The following EYS variants were observed in gnomAD, a reference collection of about 807,000 sequenced individuals.
The protein encoded by EYS is EGF-like photoreceptor maintenance factor.
In EYS, 250 loss-of-function variants were observed where a neutral mutation model predicts 282.1. The observed-to-expected ratio is 0.89, with a 90% confidence interval of 0.80 to 0.98. EYS has a LOEUF of 0.98. Ranked by LOEUF, EYS falls within the 50% of genes least tolerant of loss-of-function variation. EYS has a pLI of 0.00. For missense variants in EYS, 4,016 were observed against 3,709.0 expected (o/e 1.08, Z -2.15); for synonymous variants, 1,355 against 1,282.9 (o/e 1.06, Z -1.20).
chr6:64,163,036 A>G (rs1775155997), intron 31 of EYS, among the ~76,000 whole-genome samples: 1 of 152,114 alleles, frequency 6.6e-6, no homozygotes, highest in Non-Finnish European at 1.5e-5. Context: ...AGGAGCTTAC[A>G]GTTAAGGAGA....
At chr6:64,097,792 G>A (rs1772681988) in intron 31 of EYS, among the ~76,000 whole-genome samples, 1 of 152,104 alleles carries the variant, frequency 6.6e-6, no homozygotes, top group Non-Finnish European at 1.5e-5. Context: ...CCATGCTAAT[G>A]GAAGGAGGAG....
intron 12 of EYS, among the ~76,000 whole-genome samples, chr6:65,285,677 T>C (rs954092715): frequency 3.3e-5 from 5 of 151,948 alleles, no homozygotes; most frequent in African/African-American, 1.2e-4. Flanking sequence ...AAAATATAAA[T>C]TGTATAGTGT....
At chr6:64,799,532 T>A (rs894982823) in intron 22 of EYS, among the ~76,000 whole-genome samples, 2 of 151,688 alleles carry the variant, frequency 1.3e-5, no homozygotes, top group Admixed American at 1.3e-4. Flanking sequence ...ATATGTTAGG[T>A]TGAAAGCATC....
chr6:63,815,243 A>T (rs1771149246), intron 36 of EYS, among the ~76,000 whole-genome samples: 1 of 152,176 alleles, frequency 6.6e-6, no homozygotes, highest in Admixed American at 6.5e-5. Flanking sequence ...ACAGAACACC[A>T]GTGAGATGTA....
chr6:63,843,428 C>T (rs964776378), intron 36 of EYS, among the ~76,000 whole-genome samples: 6 of 152,142 alleles, frequency 3.9e-5, no homozygotes, highest in African/African-American at 1.4e-4. Flanking sequence ...TACAGGAATG[C>T]TTGTAATTTT....
intron 23 of EYS, among the ~76,000 whole-genome samples, chr6:64,622,907 C>T (rs1224916691): frequency 6.6e-6 from 1 of 152,096 alleles, no homozygotes; most frequent in East Asian, 1.9e-4. Context: ...ATGAATCAGT[C>T]TTTGTGTTTT....
chr6:63,979,768 C>A (rs1767003719), intron 35 of EYS, among the ~76,000 whole-genome samples: 1 of 151,802 alleles, frequency 6.6e-6, no homozygotes, highest in Middle Eastern at 3.2e-3. Flanking sequence ...AACTGAATTT[C>A]ACTACATGCA....
Position 64,986,789 on chromosome 6 carries a change from T to C in EYS, c.2259+10793A>G, listed in dbSNP as rs927164992. Among the ~76,000 whole-genome samples, 3 of 151,354 alleles carry C rather than the reference T, an allele frequency of 2.0e-5. No individual in the cohort carries two copies. The Admixed American group carries it at 2.0e-4, about 10-fold the overall frequency. On this transcript the variant is annotated intron_variant, in intron 14 of 42. Coordinates refer to ENST00000503581, the MANE Select transcript of EYS (RefSeq NM_001142800.2). ...ATGTATTTTAGAAATGTTTTTAGTT[T>C]GTCTCAGAATATATATATATATATA...
At chr6:65,655,134 GA>G (rs1767775899) in intron 1 of EYS, among the ~76,000 whole-genome samples, 1 of 151,512 alleles carries the variant, frequency 6.6e-6, no homozygotes, top group Admixed American at 6.6e-5. Flanking sequence ...TAATACAAAT[GA>G]AATTGGATTT....
intron 31 of EYS, among the ~76,000 whole-genome samples, chr6:64,150,463 A>T (rs759221546): frequency 1.3e-5 from 2 of 152,212 alleles, no homozygotes; most frequent in Non-Finnish European, 2.9e-5. Flanking sequence ...TTTCTAACAT[A>T]TTCAAGTTTT....
At chr6:65,609,551 T>A (rs1007168665) in intron 2 of EYS, among the ~76,000 whole-genome samples, 1 of 152,080 alleles carries the variant, frequency 6.6e-6, no homozygotes, top group African/African-American at 2.4e-5. Context: ...ACACTGAATA[T>A]CACTTTTTAT....
chr6:65,294,000 G>T (rs1182028572), intron 12 of EYS, among the ~76,000 whole-genome samples: 4 of 151,694 alleles, frequency 2.6e-5, no homozygotes, highest in African/African-American at 9.7e-5. Context: ...AATGGAGGGG[G>T]GAAAAGAGAC....
In EYS at chr6:64,860,883, C is replaced by T. The variant is rs116792837; in HGVS notation, c.2992+25814G>A. Among the ~76,000 whole-genome samples the T allele has an allele frequency of 2.0e-3, 297 of 152,296 alleles. 1 individual carries two copies. The highest frequency in any genetic ancestry group is 6.8e-3 in the African/African-American group (282 of 41,562). On this transcript the variant is annotated intron_variant, in intron 19 of 42. Coordinates refer to ENST00000503581, the MANE Select transcript of EYS (RefSeq NM_001142800.2). Reference sequence around the variant, plus strand: ...GGATAGCTCCTCTTAGCAGGCAGGTCGTCCCATCATGTCCTGGAGTCTGAT... The same window carrying T: ...GGATAGCTCCTCTTAGCAGGCAGGTTGTCCCATCATGTCCTGGAGTCTGAT...
rs184073545 is a variant in EYS at position 65,678,268 on chromosome 6, G to A, written c.-448+28867C>T. ...CCCCCATGAGCCAAACATTCCCCAC[G>A]AAGCCCTATCTCCAACACTGGGGAT... On this transcript the variant is annotated intron_variant, in intron 1 of 42. Coordinates refer to ENST00000503581, the MANE Select transcript of EYS (RefSeq NM_001142800.2). Among the ~76,000 whole-genome samples, 46 of 151,970 alleles carry A rather than the reference G, an allele frequency of 3.0e-4. 1 individual carries two copies. The East Asian group carries it at 3.3e-3, about 11-fold the overall frequency.
At chr6:64,836,694 T>C (rs1231707258) in intron 19 of EYS, among the ~76,000 whole-genome samples, 9 of 151,604 alleles carry the variant, frequency 5.9e-5, no homozygotes, top group Non-Finnish European at 1.0e-4. Context: ...ACAATCTCGA[T>C]TGGTCTGCAA....
At chr6:65,236,683 C>T (rs9453230) in intron 12 of EYS, among the ~76,000 whole-genome samples, 9,787 of 151,990 alleles carry the variant, frequency 0.064, 609 homozygotes, top group African/African-American at 0.16. Flanking sequence ...GCTTATAACA[C>T]CTTTATGGTA....
At chr6:65,023,900 C>T (rs1772321995) in intron 13 of EYS, among the ~76,000 whole-genome samples, 1 of 152,186 alleles carries the variant, frequency 6.6e-6, no homozygotes, top group South Asian at 2.1e-4. Flanking sequence ...CTAGGTTAAA[C>T]ATCATACATA....
intron 13 of EYS, among the ~76,000 whole-genome samples, chr6:65,029,336 T>C (rs1159550319): frequency 6.6e-6 from 1 of 152,186 alleles, no homozygotes; most frequent in Admixed American, 6.5e-5. Context: ...TACACATATG[T>C]ATATATTTAT....
intron 35 of EYS, among the ~76,000 whole-genome samples, chr6:63,866,909 A>G (rs1402140963): frequency 6.6e-6 from 1 of 152,176 alleles, no homozygotes; most frequent in African/African-American, 2.4e-5. Flanking sequence ...GGAGTGTCAG[A>G]CATTTCACCA....
Sources: gnomAD v4.1 joint callset for allele counts (sites outside exome capture counted in the v4.1 genomes callset) on GRCh38, gnomAD v4.1.1 for gene constraint, MANE v1.5 for transcripts, NCBI Gene and HGNC (gene_info 2026-07-23, HGNC 2026-07-21) for gene names.